Variants in MAGI3 observed in about 807,000 individuals in gnomAD.
MAGI3 encodes membrane associated guanylate kinase, WW and PDZ domain containing 3, also known as membrane-associated guanylate kinase, WW and PDZ domain-containing protein 3.
Under a neutral mutation model 121.8 loss-of-function variants are expected in MAGI3, and 43 were observed. The ratio of observed to expected loss-of-function variants is 0.35; its 90% CI spans 0.28 to 0.46. The LOEUF (loss-of-function observed/expected upper bound fraction) is 0.46, where lower values mean the gene tolerates loss of function less well. MAGI3 is among the 20% of genes least tolerant of loss of function. The pLI, the probability that MAGI3 is intolerant of heterozygous loss-of-function variation, is 1.00. For synonymous variants in MAGI3, 553 were observed against 639.3 expected, an observed-to-expected ratio of 0.86 and a Z score of 2.04; for missense variants, 1,547 against 1,797.3, an observed-to-expected ratio of 0.86 and a Z score of 2.52.
At chr1:113,619,972 T>A (rs1037817236) in intron 8 of MAGI3, 142 bp downstream of exon 8, 1 of 538,918 alleles carries the variant, frequency 1.9e-6, no homozygotes. Flanking sequence ...ATATGAATAA[T>A]CTTAATAAAA....
intron 3 of MAGI3, among the ~76,000 whole-genome samples, chr1:113,581,865 A>G (rs527965985): frequency 6.6e-6 from 1 of 152,208 alleles, no homozygotes; most frequent in African/African-American, 2.4e-5. Context: ...AGTACCTACT[A>G]TGTGCCAAGT....
chr1:113,660,588 T>G (rs1653730998), intron 16 of MAGI3, among the ~76,000 whole-genome samples: 1 of 149,068 alleles, frequency 6.7e-6, no homozygotes, highest in Non-Finnish European at 1.5e-5. Context: ...AAAAACATAT[T>G]GGTTGACTAT....
intron 2 of MAGI3, among the ~76,000 whole-genome samples, chr1:113,556,861 C>T (rs1425642935): frequency 3.3e-5 from 5 of 152,078 alleles, no homozygotes; most frequent in Non-Finnish European, 5.9e-5. Flanking sequence ...GCCCCACACC[C>T]GGCCTAATAA....
Position 113,683,966 on chromosome 1 carries a change from T to C in MAGI3, c.4398T>C (p.Ser1466=). The part of the protein sequence containing the change: ...LITPGPWKVP[S]GNKVTGTIGM... ...CTCCAGGGCCCTGGAAGGTTCCAAGTGGAAATAAAGTCACAGGCACTATTG... is the reference window on the plus strand; with the variant it reads ...CTCCAGGGCCCTGGAAGGTTCCAAGCGGAAATAAAGTCACAGGCACTATTG... Residue 1466 remains serine (S), a synonymous_variant, in exon 21 of 21, where the codon AGT becomes AGC. Coordinates refer to ENST00000307546, the MANE Select transcript of MAGI3 (RefSeq NM_001142782.2). 6.2e-7 allele frequency: 1 copy of C among 1,600,388 alleles called. No individual in the cohort carries two copies. Among genetic ancestry groups the C allele is most frequent in the Non-Finnish European group, 8.5e-7 (1 of 1,175,206 alleles).
At chr1:113,507,477 A>G (rs1657392073) in intron 1 of MAGI3, among the ~76,000 whole-genome samples, 2 of 152,188 alleles carry the variant, frequency 1.3e-5, no homozygotes, top group African/African-American at 4.8e-5. Flanking sequence ...GCGTCTGTAA[A>G]TCTAACCTTT....
intron 1 of MAGI3, among the ~76,000 whole-genome samples, chr1:113,423,613 G>C (rs1652846479): frequency 6.6e-6 from 1 of 152,140 alleles, no homozygotes. Context: ...GAAAGTGTGT[G>C]CTGATTGGTC....
intron 19 of MAGI3, among the ~76,000 whole-genome samples, chr1:113,676,790 A>G (rs778692103): frequency 1.7e-4 from 26 of 151,992 alleles, no homozygotes; most frequent in Non-Finnish European, 3.2e-4. Context: ...TCCCTTTATT[A>G]GGTTGACAGC....
chr1:113,469,778 A>T (rs1288518379), intron 1 of MAGI3, among the ~76,000 whole-genome samples: 3 of 152,198 alleles, frequency 2.0e-5, no homozygotes, highest in Non-Finnish European at 2.9e-5. Flanking sequence ...AGGCAAGAAT[A>T]TAAGTTTATT....
chr1:113,407,075 G>A (rs1301232772), intron 1 of MAGI3, among the ~76,000 whole-genome samples: 2 of 152,116 alleles, frequency 1.3e-5, no homozygotes, highest in Non-Finnish European at 2.9e-5. Flanking sequence ...AGAAGTAGAC[G>A]GGGACCAGTG....
At chr1:113,611,936 C>CTTACTTATTTATTTAT (rs1553206843) in intron 6 of MAGI3, among the ~76,000 whole-genome samples, 15 of 138,768 alleles carry the variant, frequency 1.1e-4, no homozygotes, top group South Asian at 2.4e-4. Context: ...CTAATCCCAA[C>CTTACTTATTTATTTAT]TTATTTATTT....
intron 14 of MAGI3, 120 bp from the exon 15 acceptor site, chr1:113,653,710 T>C: frequency 1.2e-6 from 1 of 850,030 alleles, no homozygotes; most frequent in South Asian, 2.3e-5. Context: ...TGGGGCTGCT[T>C]TTCTATTCTT....
At chr1:113,585,267 C>T (rs536278414) in intron 3 of MAGI3, 120 bp from the exon 4 acceptor site, 3 of 867,596 alleles carry the variant, frequency 3.5e-6, no homozygotes, top group East Asian at 2.6e-5. Flanking sequence ...CATGCCCACC[C>T]CTATGGTAGA....
intron 3 of MAGI3, 25 bp from the exon 4 acceptor site, chr1:113,585,362 T>A (rs1244766853): frequency 6.2e-7 from 1 of 1,605,040 alleles, no homozygotes; most frequent in Non-Finnish European, 8.5e-7. Context: ...ATTAGTAATT[T>A]CAGCTGCTAT....
In MAGI3 at chr1:113,573,531, C is replaced by G. The variant is rs183491864; in HGVS notation, c.434-7011C>G. On this transcript the variant is annotated intron_variant, in intron 2 of 20. Transcript: ENST00000307546. ...TGGGTGAGTTTCTTAATCCTGAGTT[C>G]CAATTTGATTGCACTGTGGTCCGAG... is the stretch of plus-strand genomic sequence containing the variant. Among the ~76,000 whole-genome samples, 87 of 152,232 alleles carry G rather than the reference C, an allele frequency of 5.7e-4. 2 individuals carry two copies. In the East Asian group the frequency reaches 0.015, roughly 27 times the overall value.
chr1:113,621,921 T>C (rs1650843012), intron 8 of MAGI3, among the ~76,000 whole-genome samples: 1 of 152,066 alleles, frequency 6.6e-6, no homozygotes, highest in Non-Finnish European at 1.5e-5. Flanking sequence ...GGATAGTAGA[T>C]TCGTGGTTTC....
At chr1:113,638,001 C>G (rs1422270005) in intron 9 of MAGI3, among the ~76,000 whole-genome samples, 1 of 152,196 alleles carries the variant, frequency 6.6e-6, no homozygotes, top group Non-Finnish European at 1.5e-5. Context: ...CACTGATACC[C>G]TTTCTTTCAG....
chr1:113,543,535 A>T (rs570702305), intron 1 of MAGI3, among the ~76,000 whole-genome samples: 2 of 152,332 alleles, frequency 1.3e-5, no homozygotes, highest in African/African-American at 4.8e-5. Context: ...AATTTCATGT[A>T]TTCAAGGATG....
chr1:113,404,149 TC>T (rs1651554282), intron 1 of MAGI3: 1 of 152,076 alleles, frequency 6.6e-6, no homozygotes. Flanking sequence ...GACGTCAACC[TC>T]CCCTGCAAGC....
At chr1:113,574,176 G>A (rs1324576937) in intron 2 of MAGI3, among the ~76,000 whole-genome samples, 1 of 152,018 alleles carries the variant, frequency 6.6e-6, no homozygotes, top group Non-Finnish European at 1.5e-5. Context: ...TTTAATTGGG[G>A]TATTCAGCCC....
Sources: gnomAD v4.1 joint callset for allele counts (sites outside exome capture counted in the v4.1 genomes callset) on GRCh38, gnomAD v4.1.1 for gene constraint, MANE v1.5 for transcripts, NCBI Gene and HGNC (gene_info 2026-07-23, HGNC 2026-07-21) for gene names.